The following TLN2 variants were observed in gnomAD, a reference collection of about 807,000 sequenced individuals.
TLN2 encodes the protein talin-2.
TLN2 carries 118 observed loss-of-function variants against 294.7 expected under a neutral mutation model. The ratio of observed to expected loss-of-function variants is 0.40; its 90% CI spans 0.34 to 0.47. The LOEUF is 0.47. Among genes scored for constraint, TLN2 ranks in the 20% least tolerant of loss-of-function variants. The pLI is 0.84. For synonymous variants in TLN2, 1,431 were observed against 1,304.5 expected (o/e 1.10, Z -2.09); for missense variants, 3,083 against 3,282.2 (o/e 0.94, Z 1.48).
intron 1 of TLN2, among the ~76,000 whole-genome samples, chr15:62,495,355 G>A (rs1476920263): frequency 6.6e-6 from 1 of 152,194 alleles, no homozygotes; most frequent in Non-Finnish European, 1.5e-5. Context: ...TCTCCCCAGA[G>A]AGAATGCCAC....
intron 1 of TLN2, among the ~76,000 whole-genome samples, chr15:62,552,237 G>T (rs746505794): frequency 6.6e-6 from 1 of 152,116 alleles, no homozygotes; most frequent in Non-Finnish European, 1.5e-5. Flanking sequence ...CCTTTTATGG[G>T]CTATATTTTT....
intron 10 of TLN2, among the ~76,000 whole-genome samples, chr15:62,674,191 G>T (rs899768383): frequency 6.6e-6 from 1 of 152,194 alleles, no homozygotes; most frequent in Admixed American, 6.5e-5. Context: ...ATGCATTGAG[G>T]AAGGATCTAC....
chr15:62,723,195 A>T (rs951791677), intron 26 of TLN2, among the ~76,000 whole-genome samples: 1 of 152,246 alleles, frequency 6.6e-6, no homozygotes, highest in South Asian at 2.1e-4. Context: ...CTGAATTCTT[A>T]ATATGAGGAG....
rs546601800 is a variant in TLN2 at position 62,618,486 on chromosome 15, T to C, written c.-37+11T>C. On this transcript the variant is annotated intron_variant, in intron 3 of 58. Coordinates refer to ENST00000636159, the MANE Select transcript of TLN2 (RefSeq NM_015059.3). Reference sequence around the variant, plus strand: ...TTGGATGTTGTCATTGTGAGTTGTTTGTATGTTAAAGGTCTTCTGCGTGTG... The same window carrying C: ...TTGGATGTTGTCATTGTGAGTTGTTCGTATGTTAAAGGTCTTCTGCGTGTG... 6.6e-6 allele frequency: 1 copy of C among 152,280 alleles called. No homozygotes were observed. The highest frequency in any genetic ancestry group is 2.1e-4 in the South Asian group (1 of 4,828). The allele number at this position is 152,280 out of a possible 1,614,324, so 9.4% of individuals were successfully genotyped here.
chr15:62,611,979 G>A (rs2047955616), intron 2 of TLN2, among the ~76,000 whole-genome samples: 1 of 152,154 alleles, frequency 6.6e-6, no homozygotes, highest in Admixed American at 6.5e-5. Context: ...CTATATGAGA[G>A]TGTATGTGTC....
chr15:62,409,649 C>T (rs1157316777), intron 1 of TLN2, among the ~76,000 whole-genome samples: 1 of 151,984 alleles, frequency 6.6e-6, no homozygotes, highest in Non-Finnish European at 1.5e-5. Context: ...TTCAAGGAGG[C>T]TTTGTGGTTT....
At chr15:62,719,214 C>T (rs902349345) in intron 24 of TLN2, among the ~76,000 whole-genome samples, 4 of 152,196 alleles carry the variant, frequency 2.6e-5, no homozygotes, top group Non-Finnish European at 4.4e-5. Context: ...CACAGAATGC[C>T]GTGCCTCTCT....
At chr15:62,572,209 T>C (rs1203673983) in intron 1 of TLN2, among the ~76,000 whole-genome samples, 1 of 152,150 alleles carries the variant, frequency 6.6e-6, no homozygotes, top group Non-Finnish European at 1.5e-5. Context: ...GTGCCTGCCC[T>C]TGGGAGGGCT....
At chr15:62,459,419 T>C (rs1001351942) in intron 1 of TLN2, among the ~76,000 whole-genome samples, 3 of 151,786 alleles carry the variant, frequency 2.0e-5, no homozygotes, top group Non-Finnish European at 4.4e-5. Context: ...AAAGGGGCTG[T>C]GTCTTATAAA....
At chr15:62,464,511 A>G (rs1252788985) in intron 1 of TLN2, among the ~76,000 whole-genome samples, 2 of 152,012 alleles carry the variant, frequency 1.3e-5, no homozygotes, top group Admixed American at 6.6e-5. Flanking sequence ...AACATAACAC[A>G]TGTATACCTA....
intron 1 of TLN2, among the ~76,000 whole-genome samples, chr15:62,427,730 TG>T (rs1168562256): frequency 6.6e-6 from 1 of 152,202 alleles, no homozygotes; most frequent in East Asian, 1.9e-4. Context: ...TTCTGCTCCC[TG>T]GCCATGCCAT....
At chr15:62,832,426 C>T (rs2068964624) in intron 54 of TLN2, 1 of 123,074 alleles carries the variant, frequency 8.1e-6, no homozygotes. Context: ...GGAATGTTGT[C>T]ACACAGGTCT....
At chr15:62,432,108 C>T (rs2035041421) in intron 1 of TLN2, among the ~76,000 whole-genome samples, 1 of 152,154 alleles carries the variant, frequency 6.6e-6, no homozygotes, top group South Asian at 2.1e-4. Context: ...TTCAGTGTCT[C>T]AGTGTGTGTA....
At chr15:62,822,424 T>C (rs2067648265) in intron 54 of TLN2, among the ~76,000 whole-genome samples, 1 of 152,220 alleles carries the variant, frequency 6.6e-6, no homozygotes, top group African/African-American at 2.4e-5. Flanking sequence ...GCTCGCGTTG[T>C]TCAGCTGCCA....
At chr15:62,539,737 G>A (rs1294299834) in intron 1 of TLN2, among the ~76,000 whole-genome samples, 1 of 152,068 alleles carries the variant, frequency 6.6e-6, no homozygotes, top group Non-Finnish European at 1.5e-5. Flanking sequence ...AGCACTCATT[G>A]GGAGAGATTT....
At chr15:62,434,081 AT>A (rs1595793971) in intron 1 of TLN2, among the ~76,000 whole-genome samples, 1 of 152,008 alleles carries the variant, frequency 6.6e-6, no homozygotes, top group East Asian at 1.9e-4. Flanking sequence ...AAAAAGTTAA[AT>A]TTCACATGTA....
chr15:62,701,353 G>C (rs766117604), intron 17 of TLN2, 139 bp downstream of exon 17: 7 of 719,254 alleles, frequency 9.7e-6, no homozygotes, highest in Admixed American at 3.0e-5. Flanking sequence ...GGCACTTTTA[G>C]TGCTGTAGGC....
chr15:62,429,336 C>T (rs1423311520), intron 1 of TLN2, among the ~76,000 whole-genome samples: 1 of 152,024 alleles, frequency 6.6e-6, no homozygotes, highest in Non-Finnish European at 1.5e-5. Flanking sequence ...GGTGAAAGCC[C>T]CTGAACCTTT....
At chr15:62,766,193 GCA>G (rs1247845898) in intron 40 of TLN2, 126 bp from the exon 41 acceptor site, 1 of 688,654 alleles carries the variant, frequency 1.5e-6, no homozygotes, top group African/African-American at 1.8e-5. Flanking sequence ...TGGCTTGATG[GCA>G]CACACGCAGG....
Sources: gnomAD v4.1 joint callset for allele counts (sites outside exome capture counted in the v4.1 genomes callset) on GRCh38, gnomAD v4.1.1 for gene constraint, MANE v1.5 for transcripts, NCBI Gene and HGNC (gene_info 2026-07-23, HGNC 2026-07-21) for gene names.